Variants in FBXO4 observed in about 807,000 individuals in gnomAD.
The protein encoded by FBXO4 is F-box protein 4.
A neutral mutation model predicts 43.7 loss-of-function variants in FBXO4; 36 were observed. The ratio of observed to expected loss-of-function variants is 0.82; its 90% CI spans 0.63 to 1.09. The LOEUF is 1.09. FBXO4 is among the 50% of genes least tolerant of loss of function. The pLI is 0.00. For synonymous variants in FBXO4, 180 were observed against 165.6 expected (o/e 1.09, Z -0.67); for missense variants, 435 against 474.1 (o/e 0.92, Z 0.77).
At chr5:42,002,395 C>A in the FBXO4 span, among the ~76,000 whole-genome samples, 1 of 152,140 alleles carries the variant, frequency 6.6e-6, no homozygotes, top group Non-Finnish European at 1.5e-5. Context: ...TCTTCAAATT[C>A]TTTAAAATAT....
the FBXO4 span, among the ~76,000 whole-genome samples, chr5:41,976,615 A>G: frequency 6.6e-6 from 1 of 152,212 alleles, no homozygotes; most frequent in Non-Finnish European, 1.5e-5. Context: ...ACACTGGTGC[A>G]AGGTGTGGGT....
At chr5:42,020,156 C>T in the FBXO4 span, among the ~76,000 whole-genome samples, 1 of 151,718 alleles carries the variant, frequency 6.6e-6, no homozygotes, top group Non-Finnish European at 1.5e-5. Context: ...GAAATAGTGC[C>T]CCCAATATTT....
At chr5:41,974,267 T>A in the FBXO4 span, among the ~76,000 whole-genome samples, 1 of 152,190 alleles carries the variant, frequency 6.6e-6, no homozygotes, top group Non-Finnish European at 1.5e-5. Context: ...CTGTCATCAA[T>A]TTTGGAGAAT....
the FBXO4 span, among the ~76,000 whole-genome samples, chr5:42,017,426 A>G: frequency 6.7e-6 from 1 of 148,896 alleles, no homozygotes; most frequent in Non-Finnish European, 1.5e-5. Context: ...TTTTCAAAAA[A>G]TTTCTTTTTT....
chr5:41,983,558 C>T, the FBXO4 span, among the ~76,000 whole-genome samples: 1 of 151,994 alleles, frequency 6.6e-6, no homozygotes, highest in Non-Finnish European at 1.5e-5. Flanking sequence ...AAATGATTTT[C>T]CTTATATAAC....
At chr5:41,959,284 G>A in the FBXO4 span, among the ~76,000 whole-genome samples, 1 of 151,928 alleles carries the variant, frequency 6.6e-6, no homozygotes, top group Non-Finnish European at 1.5e-5. Context: ...TATATCTTTT[G>A]GATATTAACT....
the FBXO4 span, among the ~76,000 whole-genome samples, chr5:42,027,246 G>A: frequency 1.3e-5 from 2 of 151,728 alleles, no homozygotes; most frequent in Non-Finnish European, 3.0e-5. Context: ...CTCTGTTCAG[G>A]TTTTGGATTT....
the FBXO4 span, among the ~76,000 whole-genome samples, chr5:41,993,000 A>G: frequency 6.6e-6 from 1 of 152,234 alleles, no homozygotes; most frequent in Non-Finnish European, 1.5e-5. Flanking sequence ...TTGTGATCAC[A>G]TTATAAACAC....
chr5:41,976,134 A>T, the FBXO4 span, among the ~76,000 whole-genome samples: 1 of 152,208 alleles, frequency 6.6e-6, no homozygotes, highest in Admixed American at 6.5e-5. Flanking sequence ...TCTATGATCC[A>T]AACATCTCCC....
At chr5:41,938,417 AGAAGGT>A (rs1372404650) in intron 5 of FBXO4, among the ~76,000 whole-genome samples, 4 of 152,230 alleles carry the variant, frequency 2.6e-5, no homozygotes, top group Non-Finnish European at 5.9e-5. Context: ...TCAGTCCAAA[AGAAGGT>A]AGGCAAAGAG....
the FBXO4 span, among the ~76,000 whole-genome samples, chr5:41,987,498 A>G: frequency 8.3e-4 from 126 of 152,312 alleles, no homozygotes; most frequent in African/African-American, 2.9e-3. Flanking sequence ...GAAAAACCAT[A>G]GAGAAGGGTA....
At chr5:42,021,994 C>T in the FBXO4 span, among the ~76,000 whole-genome samples, 4 of 152,120 alleles carry the variant, frequency 2.6e-5, no homozygotes, top group African/African-American at 9.7e-5. Flanking sequence ...CTAACAAAAA[C>T]TCAGATTTGG....
chr5:41,983,415 T>G, the FBXO4 span, among the ~76,000 whole-genome samples: 4 of 148,824 alleles, frequency 2.7e-5, no homozygotes, highest in East Asian at 8.2e-4. Flanking sequence ...TTTAGCATTT[T>G]CTGTCAACTT....
At chr5:41,944,734 A>G (rs1397861564), downstream of FBXO4, among the ~76,000 whole-genome samples, 2 of 152,232 alleles carry the variant, frequency 1.3e-5, no homozygotes, top group East Asian at 3.8e-4. Context: ...AACCAAAACA[A>G]CAGCAATTTA....
At chr5:41,969,165 C>T in the FBXO4 span, among the ~76,000 whole-genome samples, 2 of 152,194 alleles carry the variant, frequency 1.3e-5, no homozygotes, top group African/African-American at 4.8e-5. Flanking sequence ...TGCCCCTTAG[C>T]AGCATCCTGT....
chr5:42,034,214 T>G, the FBXO4 span, among the ~76,000 whole-genome samples: 1 of 152,312 alleles, frequency 6.6e-6, no homozygotes, highest in African/African-American at 2.4e-5. Context: ...TGGGTTTGTT[T>G]GTTTTTACTT....
chr5:42,027,660 T>G, the FBXO4 span, among the ~76,000 whole-genome samples: 1 of 151,994 alleles, frequency 6.6e-6, no homozygotes, highest in Non-Finnish European at 1.5e-5. Context: ...TTTTCCTGTT[T>G]TTTGATGTAG....
the FBXO4 span, among the ~76,000 whole-genome samples, chr5:42,033,840 T>G: frequency 6.6e-6 from 1 of 152,118 alleles, no homozygotes; most frequent in African/African-American, 2.4e-5. Context: ...TGTGTCTTTA[T>G]AGTAGAATGA....
At chr5:42,010,607 C>G in the FBXO4 span, among the ~76,000 whole-genome samples, 1 of 152,078 alleles carries the variant, frequency 6.6e-6, no homozygotes, top group South Asian at 2.1e-4. Context: ...CTGATGGACA[C>G]TTGCACTGCT....
Sources: gnomAD v4.1 joint callset for allele counts (sites outside exome capture counted in the v4.1 genomes callset) on GRCh38, gnomAD v4.1.1 for gene constraint, MANE v1.5 for transcripts, NCBI Gene and HGNC (gene_info 2026-07-23, HGNC 2026-07-21) for gene names.